Variants in ERC2 observed in about 807,000 individuals in gnomAD.
ERC2 encodes the protein ELKS/RAB6-interacting/CAST family member 2, also known as ERC protein 2.
ERC2 carries 42 observed loss-of-function variants against 114.8 expected under a neutral mutation model. The ratio of observed to expected loss-of-function variants is 0.37; its 90% CI spans 0.29 to 0.47. ERC2 has a LOEUF of 0.47. ERC2 is among the 20% of genes least tolerant of loss of function. ERC2 has a pLI of 0.99. For synonymous variants in ERC2, 454 were observed against 425.5 expected, an observed-to-expected ratio of 1.07 and a Z score of -0.82; for missense variants, 939 against 1,150.7, an observed-to-expected ratio of 0.82 and a Z score of 2.66.
At chr3:55,920,132 G>A (rs1157985902) in intron 13 of ERC2, among the ~76,000 whole-genome samples, 2 of 151,942 alleles carry the variant, frequency 1.3e-5, no homozygotes, top group Non-Finnish European at 2.9e-5. Context: ...GATTCTCTTT[G>A]AGAAAAATGG....
intron 16 of ERC2, among the ~76,000 whole-genome samples, chr3:55,685,115 T>C (rs2062258148): frequency 6.6e-6 from 1 of 152,252 alleles, no homozygotes; most frequent in South Asian, 2.1e-4. Flanking sequence ...CAACTGACTT[T>C]CAATACAGTT....
chr3:55,884,299 CAGA>C lies in ERC2; in HGVS notation c.2564+4087_2564+4089del, dbSNP rs775884057. ...CAACATAGAAGGTTGTTCACGTTCA[CAGA>C]AGAAGAGGCACTTGCAAAATAGGCA... On this transcript the variant is annotated intron_variant, in intron 14 of 17. Coordinates refer to ENST00000288221, the MANE Select transcript of ERC2 (RefSeq NM_015576.3). 9.9e-5 allele frequency among the ~76,000 whole-genome samples: 15 copies of C among 152,238 alleles called. No homozygotes were observed. The Middle Eastern group carries it at 0.01, about 104-fold the overall frequency.
rs145951394 is a variant in ERC2, at chr3:55,878,694, G to C, written c.2564+9695C>G. ...CTCACAGGAGGTGACAGCACTATCT[G>C]GGTGAAGTACTTAGTCCATGGAATC... On this transcript the variant is annotated intron_variant, in intron 14 of 17. Transcript: ENST00000288221. Among the ~76,000 whole-genome samples, 92 of 152,254 alleles carry C rather than the reference G, an allele frequency of 6.0e-4. 1 individual carries two copies. The highest frequency in any genetic ancestry group is 2.2e-3 in the African/African-American group (91 of 41,552).
At chr3:56,213,401 C>A (rs922007696) in intron 3 of ERC2, among the ~76,000 whole-genome samples, 2 of 152,174 alleles carry the variant, frequency 1.3e-5, no homozygotes, top group Admixed American at 1.3e-4. Flanking sequence ...CCTACGCCCA[C>A]GGAGCCTCGC....
At chr3:55,761,723 A>C (rs1308591551) in intron 14 of ERC2, among the ~76,000 whole-genome samples, 1 of 151,968 alleles carries the variant, frequency 6.6e-6, no homozygotes, top group Non-Finnish European at 1.5e-5. Context: ...GTGAGTTTTC[A>C]CAAATCTGGT....
At chr3:56,069,350 A>G (rs1286352287) in intron 7 of ERC2, among the ~76,000 whole-genome samples, 4 of 152,206 alleles carry the variant, frequency 2.6e-5, no homozygotes, top group Non-Finnish European at 5.9e-5. Flanking sequence ...TTTAACATGT[A>G]CTTACATCAG....
chr3:55,725,716 G>T (rs2064869854), intron 15 of ERC2, among the ~76,000 whole-genome samples: 1 of 152,240 alleles, frequency 6.6e-6, no homozygotes. Context: ...AGACACTCAA[G>T]TGAGAGACTC....
intron 2 of ERC2, among the ~76,000 whole-genome samples, chr3:56,334,133 C>G (rs990154502): frequency 1.3e-5 from 2 of 152,222 alleles, no homozygotes; most frequent in East Asian, 3.8e-4. Flanking sequence ...TAGCAACAGT[C>G]TCCCTTTCCT....
At chr3:55,877,863 T>C (rs992128541) in intron 14 of ERC2, among the ~76,000 whole-genome samples, 5 of 152,166 alleles carry the variant, frequency 3.3e-5, no homozygotes, top group African/African-American at 1.2e-4. Context: ...CTTTGTGTGA[T>C]GTGGCTGCCC....
intron 3 of ERC2, among the ~76,000 whole-genome samples, chr3:56,198,184 G>A (rs2048215239): frequency 6.6e-6 from 1 of 152,204 alleles, no homozygotes; most frequent in Non-Finnish European, 1.5e-5. Flanking sequence ...GGAAGCACCA[G>A]GTACTGCTTT....
chr3:55,714,667 GTATATATATATATATATATATATA>G (rs59969304), intron 15 of ERC2, among the ~76,000 whole-genome samples: 13 of 88,588 alleles, frequency 1.5e-4, no homozygotes, highest in South Asian at 3.3e-4. Context: ...GTGTGTGTGT[GTATATATATATATATATATATATA>G]TATATATATA....
intron 14 of ERC2, among the ~76,000 whole-genome samples, chr3:55,835,636 A>G (rs974276894): frequency 7.2e-5 from 11 of 152,244 alleles, no homozygotes; most frequent in South Asian, 2.1e-4. Flanking sequence ...AAAAACACAC[A>G]GCCAATATCA....
chr3:55,952,180 C>CACACTATATATA (rs1553749407), intron 12 of ERC2, among the ~76,000 whole-genome samples: 1 of 25,568 alleles, frequency 3.9e-5, no homozygotes, highest in Non-Finnish European at 8.4e-5. Context: ...CACACACACA[C>CACACTATATATA]TCTCTCTCTC....
intron 12 of ERC2, among the ~76,000 whole-genome samples, chr3:55,974,479 G>C (rs574002063): frequency 6.6e-6 from 1 of 152,302 alleles, no homozygotes; most frequent in Admixed American, 6.5e-5. Context: ...ATGCTGCTGC[G>C]GTTCTCTAAT....
intron 15 of ERC2, among the ~76,000 whole-genome samples, chr3:55,733,534 T>TCACACA (rs1222363948): frequency 1.8e-5 from 1 of 55,470 alleles, no homozygotes; most frequent in African/African-American, 7.4e-5. Flanking sequence ...TCATTCTTTC[T>TCACACA]CTCTCTCTCA....
At chr3:55,925,532 G>A (rs370944816) in intron 13 of ERC2, among the ~76,000 whole-genome samples, 12 of 152,152 alleles carry the variant, frequency 7.9e-5, no homozygotes, top group African/African-American at 2.9e-4. Flanking sequence ...GAGACAGAAA[G>A]GAACTAAGGG....
chr3:56,369,245 T>C (rs1025541288), intron 2 of ERC2, among the ~76,000 whole-genome samples: 1 of 152,224 alleles, frequency 6.6e-6, no homozygotes, highest in African/African-American at 2.4e-5. Flanking sequence ...TACTCATTCT[T>C]AGATTATCCC....
intron 3 of ERC2, among the ~76,000 whole-genome samples, chr3:56,189,507 C>T (rs1016056986): frequency 2.6e-5 from 4 of 152,226 alleles, no homozygotes; most frequent in African/African-American, 9.6e-5. Flanking sequence ...AGAATTTGAA[C>T]AGCTGTGAAT....
At chr3:56,326,153 G>C (rs1285416639) in intron 2 of ERC2, among the ~76,000 whole-genome samples, 3 of 152,220 alleles carry the variant, frequency 2.0e-5, no homozygotes, top group Non-Finnish European at 4.4e-5. Context: ...CTGAGAGGCT[G>C]AGCCAGGCAA....
Sources: gnomAD v4.1 joint callset for allele counts (sites outside exome capture counted in the v4.1 genomes callset) on GRCh38, gnomAD v4.1.1 for gene constraint, MANE v1.5 for transcripts, NCBI Gene and HGNC (gene_info 2026-07-23, HGNC 2026-07-21) for gene names.